Variants in PBRM1 observed in about 807,000 individuals in gnomAD.
PBRM1 encodes the protein protein polybromo-1.
PBRM1 carries 27 observed loss-of-function variants against 194.5 expected under a neutral mutation model. The ratio of observed to expected loss-of-function variants is 0.14; its 90% confidence interval spans 0.10 to 0.19. PBRM1 has a LOEUF of 0.19. Ranked by LOEUF, PBRM1 falls within the 10% of genes least tolerant of loss-of-function variation. The pLI is 1.00. For missense variants in PBRM1, 1,466 were observed against 2,077.2 expected, an observed-to-expected ratio of 0.71 and a Z score of 5.72; for synonymous variants, 655 against 693.2, an observed-to-expected ratio of 0.94 and a Z score of 0.87.
In PBRM1 at chr3:52,629,809, C is replaced by G. The variant is rs115739238; in HGVS notation, c.1302-774G>C. On this transcript the variant is annotated intron_variant, in intron 11 of 29. Coordinates refer to ENST00000296302, the Ensembl canonical transcript of PBRM1. ...TTTGATTGTAGCATTTGCACGTTAA[C>G]CATCAAAATCACAAAGACAGTTAAC... Among the ~76,000 whole-genome samples, 453 of 152,276 alleles carry G rather than the reference C, an allele frequency of 3.0e-3. 1 individual carries two copies. Among genetic ancestry groups the G allele is most frequent in the Non-Finnish European group, 5.6e-3 (378 of 68,004 alleles).
At chr3:52,578,883 C>G in intron 21 of PBRM1, 171 bp downstream of exon 23, 1 of 700,136 alleles carries the variant, frequency 1.4e-6, no homozygotes, top group Non-Finnish European at 2.6e-6. Context: ...CAAAAGAGCC[C>G]AAAGGGATAA....
chr3:52,587,590 T>A (rs866338240), intron 18 of PBRM1, 80 bp from the exon 21 acceptor site: 305 of 971,498 alleles, frequency 3.1e-4, no homozygotes, highest in Non-Finnish European at 3.9e-4. Context: ...TTTTTTTTTT[T>A]AAAGAGACTG....
chr3:52,679,865 T>G (rs901558722), upstream of PBRM1: 12 of 511,422 alleles, frequency 2.3e-5, no homozygotes, highest in South Asian at 4.7e-5. Context: ...TATAAGTTTT[T>G]TTTTTTTTTT....
intron 1 of PBRM1, 66 bp downstream of exon 1, chr3:52,685,683 G>T (rs1366507247): frequency 6.7e-6 from 1 of 149,166 alleles, no homozygotes; most frequent in East Asian, 1.9e-4. Flanking sequence ...GCCCGCCCGG[G>T]CCCACACAAA....
chr3:52,653,630 G>T (rs1391571198), intron 5 of PBRM1, among the ~76,000 whole-genome samples: 1 of 151,124 alleles, frequency 6.6e-6, no homozygotes, highest in Non-Finnish European at 1.5e-5. Flanking sequence ...GCAAAATTCT[G>T]GTCAGGCATG....
chr3:52,567,067 CAAAAAAA>C (rs936466298), intron 22 of PBRM1, among the ~76,000 whole-genome samples: 5 of 59,960 alleles, frequency 8.3e-5, no homozygotes, highest in African/African-American at 3.0e-4. Context: ...GACTCCATCT[CAAAAAAA>C]AAAAAAAAAA....
chr3:52,636,090 C>A (rs1164498653), intron 10 of PBRM1, among the ~76,000 whole-genome samples: 1 of 151,932 alleles, frequency 6.6e-6, no homozygotes, highest in African/African-American at 2.4e-5. Context: ...CCAGGATGGT[C>A]TCGATCTCCT....
At chr3:52,570,183 A>G (rs1445931567) in intron 22 of PBRM1, among the ~76,000 whole-genome samples, 1 of 152,070 alleles carries the variant, frequency 6.6e-6, no homozygotes, top group Non-Finnish European at 1.5e-5. Flanking sequence ...CACCATGCTG[A>G]CCAGGCTGGT....
intron 20 of PBRM1, among the ~76,000 whole-genome samples, chr3:52,583,547 T>C (rs1269066072): frequency 6.6e-6 from 1 of 152,190 alleles, no homozygotes; most frequent in East Asian, 1.9e-4. Flanking sequence ...AACTAATACA[T>C]GTTTTTTGCT....
At chr3:52,652,122 G>A (rs182132415) in intron 5 of PBRM1, among the ~76,000 whole-genome samples, 7 of 152,204 alleles carry the variant, frequency 4.6e-5, no homozygotes, top group Admixed American at 2.0e-4. Flanking sequence ...GGTAGCTCAC[G>A]CCTGCAATCC....
intron 25 of PBRM1, among the ~76,000 whole-genome samples, chr3:52,558,776 C>T (rs1254564187): frequency 6.6e-6 from 1 of 152,194 alleles, no homozygotes; most frequent in Non-Finnish European, 1.5e-5. Flanking sequence ...AATAGCATTA[C>T]AGATTATTTA....
At chr3:52,617,098 T>C (rs1183019337) in intron 14 of PBRM1, among the ~76,000 whole-genome samples, 164 bp downstream of exon 16, 1 of 152,200 alleles carries the variant, frequency 6.6e-6, no homozygotes, top group Non-Finnish European at 1.5e-5. Context: ...ATCTTTATAA[T>C]GTACTGCCTC....
chr3:52,571,579 T>C (rs1575797713), intron 22 of PBRM1, among the ~76,000 whole-genome samples: 1 of 131,762 alleles, frequency 7.6e-6, no homozygotes. Flanking sequence ...TGAACCGAGA[T>C]TGCACCATTG....
chr3:52,643,755 A>G (rs1409459737), intron 8 of PBRM1, among the ~76,000 whole-genome samples: 2 of 152,200 alleles, frequency 1.3e-5, no homozygotes, highest in Non-Finnish European at 2.9e-5. Context: ...GTGGATCACA[A>G]GGTCAGGAGT....
At chr3:52,554,829 C>T in exon 27 of PBRM1, 4 of 1,600,194 alleles carry the variant, frequency 2.5e-6, no homozygotes, top group Non-Finnish European at 3.4e-6. Context: ...ACAAGGCCAT[C>T]AACTGGGCCC....
At chr3:52,648,553 A>AT in intron 6 of PBRM1, 111 bp from the exon 8 acceptor site, 1 of 584,396 alleles carries the variant, frequency 1.7e-6, no homozygotes, top group Non-Finnish European at 3.0e-6. Flanking sequence ...CCAAGACTTT[A>AT]TTGGAAAGTA....
chr3:52,664,431 G>C (rs1457252570), intron 3 of PBRM1, among the ~76,000 whole-genome samples: 3 of 73,066 alleles, frequency 4.1e-5, no homozygotes, highest in Admixed American at 2.8e-4. Context: ...AAAAAAAAAA[G>C]ATTATCTAAA....
chr3:52,674,663 T>TAC (rs1375119316), intron 2 of PBRM1, among the ~76,000 whole-genome samples: 16 of 143,972 alleles, frequency 1.1e-4, no homozygotes, highest in Admixed American at 4.2e-4. Context: ...TATATATATA[T>TAC]ATACACACAC....
chr3:52,661,683 AG>A (rs1422248077), intron 4 of PBRM1, among the ~76,000 whole-genome samples: 16 of 152,232 alleles, frequency 1.1e-4, no homozygotes, highest in Admixed American at 8.5e-4. Context: ...TCTATGCAGA[AG>A]AACAACTGCA....
Sources: gnomAD v4.1 joint callset for allele counts (sites outside exome capture counted in the v4.1 genomes callset) on GRCh38, gnomAD v4.1.1 for gene constraint, MANE v1.5 for transcripts, NCBI Gene and HGNC (gene_info 2026-07-23, HGNC 2026-07-21) for gene names.